PIP5K1A: variants seen among roughly 807,000 people sequenced by gnomAD.
PIP5K1A encodes phosphatidylinositol-4-phosphate 5-kinase type 1 alpha, also known as phosphatidylinositol 4-phosphate 5-kinase type-1 alpha.
Under a neutral mutation model 72.9 loss-of-function variants are expected in PIP5K1A, and 46 were observed. The observed-to-expected ratio is 0.63, with a 90% confidence interval of 0.50 to 0.81. The LOEUF (loss-of-function observed/expected upper bound fraction) is 0.81, where lower values mean the gene tolerates loss of function less well. PIP5K1A is among the 30% of genes least tolerant of loss of function. The probability of loss-of-function intolerance (pLI) is 0.00; values close to 1 mark genes in which losing one functional copy is unlikely to be tolerated. For synonymous variants in PIP5K1A, 228 were observed against 255.1 expected (o/e 0.89, Z 1.01); for missense variants, 458 against 706.1 (o/e 0.65, Z 3.98).
At chr1:151,239,891 G>A in intron 11 of PIP5K1A, 64 bp from the exon 12 acceptor site, 1 of 1,128,186 alleles carries the variant, frequency 8.9e-7, no homozygotes, top group Non-Finnish European at 1.3e-6. Context: ...GGGGAAGATG[G>A]CCCTTGGACT....
intron 1 of PIP5K1A, among the ~76,000 whole-genome samples, chr1:151,200,212 TG>T: frequency 7.4e-6 from 1 of 134,936 alleles, no homozygotes; most frequent in African/African-American, 2.8e-5. Context: ...GTAAGTGTTG[TG>T]GGGGAGTATT....
chr1:151,230,101 C>A (rs1417527705), intron 4 of PIP5K1A, among the ~76,000 whole-genome samples: 2 of 151,804 alleles, frequency 1.3e-5, no homozygotes, highest in East Asian at 3.9e-4. Flanking sequence ...AAAAAAAAAA[C>A]AAAAAACTAG....
intron 1 of PIP5K1A, 84 bp from the exon 2 acceptor site, chr1:151,224,161 A>G: frequency 4.0e-6 from 5 of 1,239,594 alleles, no homozygotes; most frequent in Middle Eastern, 1.9e-4. Flanking sequence ...GTTTAGTTTG[A>G]CTCAAACTCT....
chr1:151,219,537 AAAAAAAAT>A (rs1274520422), intron 1 of PIP5K1A, among the ~76,000 whole-genome samples: 1 of 150,852 alleles, frequency 6.6e-6, no homozygotes, highest in Non-Finnish European at 1.5e-5. Flanking sequence ...AAATTTAAAA[AAAAAAAAT>A]TAGCTGGGTG....
At chr1:151,213,039 C>T (rs587700502) in intron 1 of PIP5K1A, among the ~76,000 whole-genome samples, 24 of 151,902 alleles carry the variant, frequency 1.6e-4, no homozygotes, top group South Asian at 8.3e-4. Flanking sequence ...TACAGGCGCC[C>T]GCCACCACGC....
At chr1:151,199,357 A>G (rs1684877155) in intron 1 of PIP5K1A, among the ~76,000 whole-genome samples, 1 of 152,162 alleles carries the variant, frequency 6.6e-6, no homozygotes, top group Non-Finnish European at 1.5e-5. Context: ...TCACGCCTGT[A>G]ATCTCAGCAC....
At chr1:151,203,862 A>G (rs372800004) in intron 1 of PIP5K1A, among the ~76,000 whole-genome samples, 29 of 151,888 alleles carry the variant, frequency 1.9e-4, no homozygotes, top group Non-Finnish European at 3.2e-4. Flanking sequence ...CTTAAACCCT[A>G]GATAATCATG....
chr1:151,248,127 T>C lies in PIP5K1A; in HGVS notation c.*262T>C. ...CTCCAGAGTTGGGTGGTATGGATTT[T>C]CAACTGGCCAACCCTTTGCCTCCAC... is the stretch of plus-strand genomic sequence containing the variant. On this transcript the variant is annotated 3_prime_UTR_variant, in exon 16 of 16. Transcript: ENST00000368888. 1 of 499,734 alleles carries C rather than the reference T, an allele frequency of 2.0e-6. No homozygotes were observed. The highest frequency in any genetic ancestry group is 3.6e-6 in the Non-Finnish European group (1 of 280,022). The allele number at this position is 499,734 out of a possible 1,614,324, so 31.0% of individuals were successfully genotyped here.
At chr1:151,215,530 A>G (rs1172668223) in intron 1 of PIP5K1A, among the ~76,000 whole-genome samples, 1 of 151,480 alleles carries the variant, frequency 6.6e-6, no homozygotes. Flanking sequence ...GGTTTTCACC[A>G]TGTTGGCCAG....
intron 1 of PIP5K1A, among the ~76,000 whole-genome samples, chr1:151,219,908 C>G (rs1165374453): frequency 1.6e-5 from 2 of 125,654 alleles, no homozygotes; most frequent in Non-Finnish European, 3.1e-5. Context: ...TCGAGCTGGT[C>G]TCGAACTCCT....
At position 151,240,276 on chromosome 1, in the gene PIP5K1A, G is replaced by A; in HGVS notation, c.1363+237G>A. ...GTCAATGAGGTGAGGACCATTTCTG[G>A]GGAATTGGGATTTGCAAAAAAATAA... On this transcript the variant is annotated intron_variant, in intron 12 of 15. Coordinates refer to ENST00000368888, the MANE Select transcript of PIP5K1A (RefSeq NM_001135638.2). 7 of 496,628 alleles carry A rather than the reference G, an allele frequency of 1.4e-5. No homozygotes were observed. In the South Asian group the frequency reaches 1.8e-4, roughly 13 times the overall value. 30.8% of individuals were successfully genotyped at this position (496,628 alleles called of 1,614,324 possible).
intron 1 of PIP5K1A, among the ~76,000 whole-genome samples, chr1:151,217,710 T>G (rs1687841512): frequency 6.6e-6 from 1 of 152,186 alleles, no homozygotes. Flanking sequence ...GCCTCACAAG[T>G]AGCTGGGACT....
chr1:151,230,293 G>A (rs1006022492), intron 4 of PIP5K1A, among the ~76,000 whole-genome samples: 1 of 152,166 alleles, frequency 6.6e-6, no homozygotes, highest in Non-Finnish European at 1.5e-5. Flanking sequence ...TAGTAAGACT[G>A]AGAAAATGAA....
intron 1 of PIP5K1A, among the ~76,000 whole-genome samples, chr1:151,215,502 G>C (rs974172954): frequency 6.6e-6 from 1 of 151,976 alleles, no homozygotes; most frequent in Non-Finnish European, 1.5e-5. Flanking sequence ...GCTAATTTTT[G>C]TATTTTTAGT....
intron 14 of PIP5K1A, among the ~76,000 whole-genome samples, chr1:151,245,427 A>G (rs587673065): frequency 6.6e-6 from 1 of 152,074 alleles, no homozygotes; most frequent in Admixed American, 6.6e-5. Flanking sequence ...CTACCTTTTC[A>G]CTAAAATGCT....
At chr1:151,225,717 G>A (rs1195947179) in intron 3 of PIP5K1A, among the ~76,000 whole-genome samples, 2 of 151,892 alleles carry the variant, frequency 1.3e-5, no homozygotes, top group Non-Finnish European at 2.9e-5. Flanking sequence ...TGATCCACCC[G>A]CCTTGGCCTC....
At chr1:151,243,685 T>C (rs1403986352) in intron 14 of PIP5K1A, among the ~76,000 whole-genome samples, 1 of 152,208 alleles carries the variant, frequency 6.6e-6, no homozygotes, top group Admixed American at 6.5e-5. Context: ...CTGAGTTCTT[T>C]TCTCAGGCTG....
At chr1:151,212,824 C>G (rs1356600758) in intron 1 of PIP5K1A, among the ~76,000 whole-genome samples, 1 of 149,848 alleles carries the variant, frequency 6.7e-6, no homozygotes, top group African/African-American at 2.5e-5. Context: ...CTGCCTGCCT[C>G]GGCCTCACAA....
chr1:151,247,849 C>A lies in PIP5K1A; in HGVS notation c.1687-14C>A. ...CATACTCCACATCCTTAACTTTACA[C>A]TCTCCCTTTTCAGTAAGCGCAAAGC... On this transcript the variant is annotated splice_polypyrimidine_tract_variant and intron_variant, in intron 15 of 15. Coordinates refer to ENST00000368888, the MANE Select transcript of PIP5K1A (RefSeq NM_001135638.2). 1 of 1,605,494 alleles carries A rather than the reference C, an allele frequency of 6.2e-7. No individual in the cohort carries two copies. The highest frequency in any genetic ancestry group is 8.5e-7 in the Non-Finnish European group (1 of 1,173,194).
Sources: gnomAD v4.1 joint callset for allele counts (sites outside exome capture counted in the v4.1 genomes callset) on GRCh38, gnomAD v4.1.1 for gene constraint, MANE v1.5 for transcripts, NCBI Gene and HGNC (gene_info 2026-07-23, HGNC 2026-07-21) for gene names.